MAEL: variants seen among roughly 807,000 people sequenced by gnomAD.
The protein encoded by MAEL is maelstrom spermatogenic transposon silencer, also known as protein maelstrom homolog.
A neutral mutation model predicts 62.0 loss-of-function variants in MAEL; 46 were observed. The observed-to-expected ratio is 0.74, with a 90% confidence interval of 0.59 to 0.95. The LOEUF (loss-of-function observed/expected upper bound fraction) is 0.95, where lower values mean the gene tolerates loss of function less well. MAEL is among the 40% of genes least tolerant of loss of function. MAEL has a pLI of 0.00. For synonymous variants in MAEL, 172 were observed against 175.5 expected (o/e 0.98, Z 0.16); for missense variants, 497 against 526.8 (o/e 0.94, Z 0.55).
chr1:166,996,312 T>C (rs1664423248), intron 5 of MAEL, among the ~76,000 whole-genome samples: 1 of 152,232 alleles, frequency 6.6e-6, no homozygotes, highest in African/African-American at 2.4e-5. Context: ...GTCTGATCTT[T>C]TATGAACTAT....
chr1:166,983,098 A>G (rs1213252245), intron 1 of MAEL, among the ~76,000 whole-genome samples: 1 of 152,176 alleles, frequency 6.6e-6, no homozygotes, highest in African/African-American at 2.4e-5. Flanking sequence ...ATCTTGTTAT[A>G]TACATAATAG....
intron 10 of MAEL, among the ~76,000 whole-genome samples, chr1:167,020,505 ACT>A (rs1665579927): frequency 1.3e-5 from 2 of 151,266 alleles, no homozygotes; most frequent in South Asian, 4.2e-4. Flanking sequence ...TTAATTTCCT[ACT>A]CTCCTAGACA....
intron 8 of MAEL, among the ~76,000 whole-genome samples, chr1:167,011,005 T>A (rs1665149701): frequency 2.0e-5 from 3 of 152,080 alleles, no homozygotes; most frequent in African/African-American, 7.2e-5. Context: ...CCCTTTGCTT[T>A]TTTTTTTCTA....
chr1:166,993,304 G>C (rs1664271205), intron 4 of MAEL, among the ~76,000 whole-genome samples: 2 of 152,112 alleles, frequency 1.3e-5, no homozygotes, highest in Non-Finnish European at 2.9e-5. Context: ...ATTGTTCTAA[G>C]GAATAGATGA....
At chr1:166,989,189 CTGTT>C (rs1557970861), upstream of MAEL, 3 of 928,536 alleles carry the variant, frequency 3.2e-6, no homozygotes, top group Non-Finnish European at 3.1e-6. Flanking sequence ...CAGTCTCAGG[CTGTT>C]TGTTCCCCCG....
chr1:167,006,863 T>C (rs1480610120), intron 8 of MAEL, among the ~76,000 whole-genome samples: 1 of 151,748 alleles, frequency 6.6e-6, no homozygotes, highest in Non-Finnish European at 1.5e-5. Context: ...CTTGAACTCC[T>C]CACCTCACGT....
upstream of MAEL, among the ~76,000 whole-genome samples, chr1:166,984,973 G>A (rs1442520527): frequency 6.6e-6 from 1 of 152,148 alleles, no homozygotes; most frequent in African/African-American, 2.4e-5. Flanking sequence ...TGCCCAAGGT[G>A]GAGTAACAGG....
intron 2 of MAEL, among the ~76,000 whole-genome samples, chr1:166,990,995 G>A (rs1234288495): frequency 6.6e-6 from 1 of 152,224 alleles, no homozygotes; most frequent in Non-Finnish European, 1.5e-5. Context: ...CCTCATGTGA[G>A]ACTTGGAGAC....
intron 8 of MAEL, among the ~76,000 whole-genome samples, chr1:167,006,884 C>T (rs1664937891): frequency 6.6e-6 from 1 of 151,846 alleles, no homozygotes; most frequent in South Asian, 2.1e-4. Flanking sequence ...GATCCACCCG[C>T]CTCAGCCTCC....
At chr1:166,977,458 A>G (rs1171284322) in intron 1 of MAEL, among the ~76,000 whole-genome samples, 1 of 152,210 alleles carries the variant, frequency 6.6e-6, no homozygotes, top group Non-Finnish European at 1.5e-5. Flanking sequence ...TAACTTCTCT[A>G]AGATCAGGCA....
intron 5 of MAEL, among the ~76,000 whole-genome samples, chr1:166,998,283 C>T (rs576150442): frequency 1.4e-4 from 22 of 152,026 alleles, no homozygotes; most frequent in Middle Eastern, 6.8e-3. Context: ...TTTTTAGATC[C>T]GTAATATCTT....
chr1:167,011,152 T>C (rs1385429220), intron 8 of MAEL, among the ~76,000 whole-genome samples: 3 of 152,214 alleles, frequency 2.0e-5, no homozygotes, highest in African/African-American at 7.2e-5. Context: ...ATGATTTTAA[T>C]TTAATCTTAG....
chr1:167,008,074 A>T (rs1665007633), intron 8 of MAEL, among the ~76,000 whole-genome samples: 1 of 152,116 alleles, frequency 6.6e-6, no homozygotes, highest in African/African-American at 2.4e-5. Context: ...TAGCTTCATT[A>T]AAAAAAGCTT....
chr1:166,989,462 C>G lies in MAEL; in HGVS notation c.110C>G (p.Pro37Arg). 6.3e-7 allele frequency: 1 copy of G among 1,586,808 alleles called. No homozygotes were observed. Among genetic ancestry groups the G allele is most frequent in the Non-Finnish European group, 8.6e-7 (1 of 1,166,758 alleles). The change falls in exon 1 of 12, where the codon CCT becomes CGT. Residue 37 changes from proline (P) to arginine (R), a missense_variant. Physicochemically the swap from Pro to Arg is moderately radical, Grantham distance 103 (BLOSUM62 -2). Coordinates refer to ENST00000367872, the MANE Select transcript of MAEL (RefSeq NM_032858.3). Reference sequence around the variant, plus strand: ...GTGGCTCGCGTTGCTGATGCCATCCCTTACTGCTCCTCAGACTGGGCGGTA... The same window carrying G: ...GTGGCTCGCGTTGCTGATGCCATCCGTTACTGCTCCTCAGACTGGGCGGTA... ...LPVARVADAI[P>R]YCSSDWALLR... is the part of the protein sequence containing the mutation.
intron 5 of MAEL, among the ~76,000 whole-genome samples, chr1:167,002,926 C>G (rs1433691033): frequency 6.6e-6 from 1 of 152,118 alleles, no homozygotes; most frequent in Non-Finnish European, 1.5e-5. Flanking sequence ...AAGAAACAAA[C>G]CCAACTGCCA....
At chr1:166,990,212 T>G (rs1408737307) in intron 2 of MAEL, 2 of 153,920 alleles carry the variant, frequency 1.3e-5, no homozygotes, top group African/African-American at 4.9e-5. Flanking sequence ...CAGTGGGGGC[T>G]TAAAACTAGT....
chr1:166,987,104 A>G (rs1169315632), upstream of MAEL, among the ~76,000 whole-genome samples: 1 of 152,128 alleles, frequency 6.6e-6, no homozygotes, highest in Non-Finnish European at 1.5e-5. Flanking sequence ...TGACAAATAT[A>G]TACTACTAAT....
chr1:166,993,969 A>G (rs1165589931), intron 4 of MAEL, 59 bp from the exon 5 acceptor site: 10 of 1,295,152 alleles, frequency 7.7e-6, no homozygotes, highest in Non-Finnish European at 1.1e-5. Flanking sequence ...GTAGAGTATT[A>G]CTGTAGCACT....
intron 5 of MAEL, among the ~76,000 whole-genome samples, chr1:167,001,310 T>C (rs766030460): frequency 6.6e-6 from 1 of 152,158 alleles, no homozygotes; most frequent in Admixed American, 6.5e-5. Context: ...TTGGGTTCGG[T>C]GTATACTACT....
Sources: gnomAD v4.1 joint callset for allele counts (sites outside exome capture counted in the v4.1 genomes callset) on GRCh38, gnomAD v4.1.1 for gene constraint, MANE v1.5 for transcripts, NCBI Gene and HGNC (gene_info 2026-07-23, HGNC 2026-07-21) for gene names.